The following TBC1D32 variants were observed in gnomAD, a reference collection of about 807,000 sequenced individuals.
TBC1D32 encodes the protein protein broad-minded.
In TBC1D32, 151 loss-of-function variants were observed where a neutral mutation model predicts 170.3. The observed-to-expected ratio is 0.89, with a 90% CI of 0.78 to 1.01. TBC1D32 has a LOEUF of 1.01. Among genes scored for constraint, TBC1D32 ranks in the 50% least tolerant of loss-of-function variants. The probability of loss-of-function intolerance (pLI) is 0.00; values close to 1 mark genes in which losing one functional copy is unlikely to be tolerated. For synonymous variants in TBC1D32, 498 were observed against 488.0 expected (o/e 1.02, Z -0.27); for missense variants, 1,464 against 1,457.1 (o/e 1.00, Z -0.08).
intron 22 of TBC1D32, among the ~76,000 whole-genome samples, chr6:121,186,202 G>C (rs950304159): frequency 6.6e-6 from 1 of 152,062 alleles, no homozygotes; most frequent in Non-Finnish European, 1.5e-5. Context: ...ATCAATAGCA[G>C]AGTAAATTAA....
At chr6:121,302,315 A>G (rs1384531665) in intron 9 of TBC1D32, among the ~76,000 whole-genome samples, 1 of 152,192 alleles carries the variant, frequency 6.6e-6, no homozygotes, top group Non-Finnish European at 1.5e-5. Flanking sequence ...CACAACGCCA[A>G]AAATATTTAT....
intron 17 of TBC1D32, among the ~76,000 whole-genome samples, chr6:121,253,967 CA>C (rs1798634655): frequency 6.6e-6 from 1 of 151,654 alleles, no homozygotes; most frequent in Non-Finnish European, 1.5e-5. Flanking sequence ...TTCACAATTG[CA>C]AAGATATGAA....
At chr6:121,090,747 C>T in intron 31 of TBC1D32, 106 bp downstream of exon 31, 1 of 990,746 alleles carries the variant, frequency 1.0e-6, no homozygotes, top group Non-Finnish European at 1.5e-6. Context: ...CTACCTCTCA[C>T]CATTGGTTTT....
intron 21 of TBC1D32, among the ~76,000 whole-genome samples, chr6:121,214,388 C>T (rs1490347438): frequency 6.6e-6 from 1 of 152,166 alleles, no homozygotes; most frequent in Non-Finnish European, 1.5e-5. Context: ...AGATCCCATG[C>T]CTGCCCAGGA....
intron 22 of TBC1D32, among the ~76,000 whole-genome samples, chr6:121,204,610 G>A (rs1241732015): frequency 6.6e-6 from 1 of 151,300 alleles, no homozygotes; most frequent in East Asian, 1.9e-4. Flanking sequence ...AAAATAAAAT[G>A]TCAAGGAATA....
intron 22 of TBC1D32, among the ~76,000 whole-genome samples, chr6:121,185,942 G>GT (rs1376059398): frequency 6.6e-6 from 1 of 152,138 alleles, no homozygotes; most frequent in African/African-American, 2.4e-5. Context: ...GAAAACTGAG[G>GT]TGCTGTCCCA....
chr6:121,230,133 T>A (rs1795557249), intron 20 of TBC1D32, among the ~76,000 whole-genome samples: 1 of 152,090 alleles, frequency 6.6e-6, no homozygotes, highest in Non-Finnish European at 1.5e-5. Flanking sequence ...CAAAACAAGT[T>A]CATACAGGAA....
At chr6:121,198,919 G>C (rs897189671) in intron 22 of TBC1D32, among the ~76,000 whole-genome samples, 1 of 151,350 alleles carries the variant, frequency 6.6e-6, no homozygotes, top group African/African-American at 2.5e-5. Flanking sequence ...CAAAATAAAA[G>C]AGAATAAAGT....
At chr6:121,103,477 T>C (rs1343005426) in intron 30 of TBC1D32, among the ~76,000 whole-genome samples, 4 of 150,204 alleles carry the variant, frequency 2.7e-5, no homozygotes, top group African/African-American at 7.3e-5. Flanking sequence ...AGCAAACTAT[T>C]GCAAGGACAG....
At chr6:121,253,669 A>C (rs937144480) in intron 17 of TBC1D32, among the ~76,000 whole-genome samples, 1 of 152,088 alleles carries the variant, frequency 6.6e-6, no homozygotes, top group South Asian at 2.1e-4. Context: ...CAGTGAGCCG[A>C]GATCACTCCA....
chr6:121,184,693 C>T (rs1355438175), intron 22 of TBC1D32, among the ~76,000 whole-genome samples: 1 of 151,796 alleles, frequency 6.6e-6, no homozygotes, highest in Non-Finnish European at 1.5e-5. Flanking sequence ...TTGGATAGTA[C>T]AGGAACTTCT....
At chr6:121,303,807 G>A (rs776141520) in intron 8 of TBC1D32, 46 bp from the exon 9 acceptor site, 9 of 1,299,494 alleles carry the variant, frequency 6.9e-6, no homozygotes, top group African/African-American at 1.5e-5. Context: ...TATAGTTCTG[G>A]TGGTATACTT....
At chr6:121,288,705 G>A (rs1804307909) in intron 12 of TBC1D32, among the ~76,000 whole-genome samples, 1 of 152,072 alleles carries the variant, frequency 6.6e-6, no homozygotes, top group Non-Finnish European at 1.5e-5. Context: ...AACAAAAAAA[G>A]AGAATTTTAG....
chr6:121,254,175 G>A (rs1289351277), intron 17 of TBC1D32, among the ~76,000 whole-genome samples: 2 of 152,158 alleles, frequency 1.3e-5, no homozygotes, highest in African/African-American at 4.8e-5. Context: ...ACTTATAAGT[G>A]GGAGCTAAGC....
intron 22 of TBC1D32, among the ~76,000 whole-genome samples, chr6:121,178,098 C>T (rs1047632817): frequency 9.9e-5 from 15 of 152,148 alleles, no homozygotes; most frequent in African/African-American, 3.6e-4. Flanking sequence ...AAATGCCAGA[C>T]ACTTGTGAAA....
Position 121,241,475 on chromosome 6 carries a change from T to C in TBC1D32, c.2235A>G (p.Leu745=), listed in dbSNP as rs1046230851. The change falls in exon 19 of 32, where the codon CTA becomes CTG. Residue 745 remains leucine (L), a synonymous_variant. Transcript: ENST00000398212. Reference sequence around the variant, plus strand: ...AAAGAAAACATTTACCTGACTTTTTTAGTGCAATGCCACCTGCTGCTGTTG... The same window carrying C: ...AAAGAAAACATTTACCTGACTTTTTCAGTGCAATGCCACCTGCTGCTGTTG... ...VASTAAGGIA[L]KKSGFINELI... is the part of the protein sequence containing the mutation. The C allele has an allele frequency of 1.6e-5, 25 of 1,612,722 alleles. No individual in the cohort carries two copies. The highest frequency in any genetic ancestry group is 2.0e-5 in the Non-Finnish European group (23 of 1,179,352).
chr6:121,328,988 C>G (rs1282128696), intron 1 of TBC1D32, among the ~76,000 whole-genome samples: 1 of 152,172 alleles, frequency 6.6e-6, no homozygotes, highest in Non-Finnish European at 1.5e-5. Flanking sequence ...CCTAAAAAGA[C>G]AGCTGTTTGT....
chr6:121,234,181 C>T (rs193293741), intron 20 of TBC1D32, among the ~76,000 whole-genome samples: 1 of 152,064 alleles, frequency 6.6e-6, no homozygotes, highest in Non-Finnish European at 1.5e-5. Context: ...ACCTGATGAC[C>T]ATATGCCTAG....
At chr6:121,173,812 C>G (rs1031636768) in intron 22 of TBC1D32, among the ~76,000 whole-genome samples, 3 of 152,000 alleles carry the variant, frequency 2.0e-5, no homozygotes, top group African/African-American at 7.2e-5. Context: ...GAGCATGACC[C>G]TAGCTTCTCT....
Sources: allele counts gnomAD v4.1 joint callset (sites outside exome capture counted in the v4.1 genomes callset), GRCh38; gene constraint gnomAD v4.1.1; transcripts MANE v1.5; gene names NCBI Gene and HGNC (gene_info 2026-07-23, HGNC 2026-07-21).